The following BLK variants were observed in gnomAD, a reference collection of about 807,000 sequenced individuals.
The protein encoded by BLK is BLK proto-oncogene, Src family tyrosine kinase.
In BLK, 64 loss-of-function variants were observed where a neutral mutation model predicts 61.8. The ratio of observed to expected loss-of-function variants is 1.03; its 90% CI spans 0.85 to 1.27. The LOEUF is 1.27. BLK is among the 50% of genes most tolerant of loss of function. The pLI, the probability that BLK is intolerant of heterozygous loss-of-function variation, is 0.00. For missense variants in BLK, 853 were observed against 660.5 expected (o/e 1.29, Z -3.19); for synonymous variants, 351 against 272.0 (o/e 1.29, Z -2.86).
At chr8:11,532,129 G>T (rs1320231498) in intron 1 of BLK, among the ~76,000 whole-genome samples, 1 of 151,660 alleles carries the variant, frequency 6.6e-6, no homozygotes, top group Admixed American at 6.6e-5. Context: ...AAAGTGCTGG[G>T]ATTACAGGCA....
chr8:11,524,835 C>T (rs1276808830), intron 1 of BLK, among the ~76,000 whole-genome samples: 1 of 149,048 alleles, frequency 6.7e-6, no homozygotes, highest in Non-Finnish European at 1.5e-5. Flanking sequence ...CAGGGAACGA[C>T]AGGAAAAAGA....
intron 1 of BLK, among the ~76,000 whole-genome samples, chr8:11,502,952 T>C (rs917786082): frequency 1.3e-5 from 2 of 152,188 alleles, no homozygotes; most frequent in Admixed American, 6.5e-5. Context: ...CCAGCCACTG[T>C]GGGGTTCGCA....
At chr8:11,516,945 T>A (rs1218456804) in intron 1 of BLK, among the ~76,000 whole-genome samples, 1 of 152,240 alleles carries the variant, frequency 6.6e-6, no homozygotes, top group South Asian at 2.1e-4. Flanking sequence ...CACCCAGAAC[T>A]GGCATTGCTG....
intron 1 of BLK, among the ~76,000 whole-genome samples, chr8:11,505,636 T>C (rs1485485801): frequency 6.6e-6 from 1 of 152,190 alleles, no homozygotes; most frequent in Admixed American, 6.5e-5. Context: ...AATCTGATGC[T>C]CCAATTCATC....
intron 1 of BLK, among the ~76,000 whole-genome samples, chr8:11,539,542 A>G (rs1486821797): frequency 6.6e-6 from 1 of 152,212 alleles, no homozygotes; most frequent in Non-Finnish European, 1.5e-5. Context: ...TTAACCTGAG[A>G]TAGTCCAGAG....
chr8:11,544,132 T>TTTTTACA (rs1800513721), intron 2 of BLK, among the ~76,000 whole-genome samples: 1 of 152,130 alleles, frequency 6.6e-6, no homozygotes, highest in Non-Finnish European at 1.5e-5. Flanking sequence ...ACCTGGCTAA[T>TTTTTACA]TTTTACATTT....
intron 1 of BLK, among the ~76,000 whole-genome samples, chr8:11,496,909 G>A (rs1205847362): frequency 6.6e-6 from 1 of 152,170 alleles, no homozygotes; most frequent in African/African-American, 2.4e-5. Context: ...TTTGAGTGAG[G>A]ATTCTGACCT....
chr8:11,554,678 A>T, intron 6 of BLK, 65 bp from the exon 7 acceptor site: 2 of 1,593,826 alleles, frequency 1.3e-6, no homozygotes, highest in South Asian at 2.2e-5. Flanking sequence ...AATGAGGCCC[A>T]AATCCCAGTC....
chr8:11,528,256 A>G (rs568393838), intron 1 of BLK, among the ~76,000 whole-genome samples: 2 of 152,212 alleles, frequency 1.3e-5, no homozygotes, highest in African/African-American at 4.8e-5. Flanking sequence ...AGGCTGGTCT[A>G]GAACTCCTGA....
At chr8:11,556,072 C>T (rs567210153) in intron 8 of BLK, 355 of 228,912 alleles carry the variant, frequency 1.6e-3, no homozygotes, top group African/African-American at 7.4e-3. Flanking sequence ...TTACCTGGGG[C>T]TGATGCCCAC....
rs1366757365 is a variant in BLK at position 11,561,432 on chromosome 8, G to C, written c.1160G>C (p.Ser387Thr). ...TTTGGCTTGGCTCGAATCATCGACA[G>C]TGAATACACGGCCCAAGAGGGTAAG... ...ADFGLARIID[S>T]EYTAQEGAKF... Residue 387 changes from serine to threonine, a missense_variant, in exon 11 of 13, where the codon AGT becomes ACT. By Grantham distance (58) the Ser-to-Thr change is moderately conservative. Transcript: ENST00000259089. 7 of 1,613,904 alleles carry C rather than the reference G, an allele frequency of 4.3e-6. No individual in the cohort carries two copies. The highest frequency in any genetic ancestry group is 5.1e-6 in the Non-Finnish European group (6 of 1,179,994).
intron 1 of BLK, among the ~76,000 whole-genome samples, chr8:11,512,918 C>T (rs771108481): frequency 5.3e-5 from 8 of 152,188 alleles, no homozygotes; most frequent in Non-Finnish European, 1.0e-4. Context: ...CTGCCCGCTT[C>T]GGCCTCCCAG....
chr8:11,511,489 C>T (rs937919903), intron 1 of BLK, among the ~76,000 whole-genome samples: 3 of 151,990 alleles, frequency 2.0e-5, no homozygotes, highest in African/African-American at 7.3e-5. Context: ...CACCAGTCAG[C>T]GGGTTTGACT....
At chr8:11,554,549 G>C (rs535523275) in intron 6 of BLK, among the ~76,000 whole-genome samples, 194 bp from the exon 7 acceptor site, 1 of 152,322 alleles carries the variant, frequency 6.6e-6, no homozygotes, top group African/African-American at 2.4e-5. Context: ...GTCAGAGTCA[G>C]ATGGAACTTA....
intron 10 of BLK, chr8:11,560,432 T>C (rs538725279): frequency 2.9e-5 from 7 of 239,570 alleles, no homozygotes; most frequent in Admixed American, 5.2e-5. Context: ...GATGGATTCA[T>C]AGATAAACCA....
intron 1 of BLK, among the ~76,000 whole-genome samples, chr8:11,508,175 C>CA (rs1387708375): frequency 6.6e-6 from 1 of 152,240 alleles, no homozygotes. Context: ...CTGAACCCTC[C>CA]ATCTGTCTTC....
At chr8:11,559,740 AC>A (rs1277449782) in intron 10 of BLK, 3 of 455,830 alleles carry the variant, frequency 6.6e-6, no homozygotes, top group Admixed American at 2.4e-5. Flanking sequence ...ATGCCTCGCC[AC>A]CCCTCTACCT....
Position 11,564,105 on chromosome 8 carries a change from C to A in BLK, c.1515C>A (p.Pro505=), listed in dbSNP as rs775381312. The A allele has an allele frequency of 1.3e-6, 2 of 1,562,794 alleles. No homozygotes were observed. Among genetic ancestry groups the A allele is most frequent in the African/African-American group, 2.7e-5 (2 of 73,980 alleles). Reference sequence around the variant, plus strand: ...CCGAGCGGCAGTACGAGCTGCAGCCCTAGCCGGCCGCGCCCGCCTGCGCCC... The same window carrying A: ...CCGAGCGGCAGTACGAGCTGCAGCCATAGCCGGCCGCGCCCGCCTGCGCCC... The part of the protein sequence containing the change: ...TATERQYELQ[P] The change falls in exon 13 of 13, where the codon CCC becomes CCA. Residue 505 remains proline, a synonymous_variant. Transcript: ENST00000259089.
chr8:11,516,235 G>A (rs559640743), intron 1 of BLK, among the ~76,000 whole-genome samples: 8 of 152,212 alleles, frequency 5.3e-5, no homozygotes, highest in Non-Finnish European at 8.8e-5. Flanking sequence ...AAAGTAGAAC[G>A]GGGGTGCGAG....
Sources: gnomAD v4.1 joint callset for allele counts (sites outside exome capture counted in the v4.1 genomes callset) on GRCh38, gnomAD v4.1.1 for gene constraint, MANE v1.5 for transcripts, NCBI Gene and HGNC (gene_info 2026-07-23, HGNC 2026-07-21) for gene names.